C10orf90: variants seen among roughly 807,000 people sequenced by gnomAD.
C10orf90 encodes chromosome 10 open reading frame 90, also known as (E2-independent) E3 ubiquitin-conjugating enzyme FATS.
A neutral mutation model predicts 62.5 loss-of-function variants in C10orf90; 56 were observed. The observed-to-expected ratio is 0.90, with a 90% confidence interval of 0.72 to 1.12. The LOEUF (loss-of-function observed/expected upper bound fraction) is 1.12, where lower values mean the gene tolerates loss of function less well. C10orf90 is among the 50% of genes most tolerant of loss of function. The pLI, the probability that C10orf90 is intolerant of heterozygous loss-of-function variation, is 0.00. For missense variants in C10orf90, 970 were observed against 880.4 expected, an observed-to-expected ratio of 1.10 and a Z score of -1.29; for synonymous variants, 386 against 340.4, an observed-to-expected ratio of 1.13 and a Z score of -1.47.
chr10:126,465,405 CTTTTA>C (rs891535879), intron 4 of C10orf90, among the ~76,000 whole-genome samples: 13 of 150,990 alleles, frequency 8.6e-5, no homozygotes, highest in African/African-American at 2.9e-4. Flanking sequence ...CAAATTATAT[CTTTTA>C]TATAATTTAT....
chr10:126,474,403 C>G (rs1334379771), intron 4 of C10orf90, among the ~76,000 whole-genome samples: 1 of 152,142 alleles, frequency 6.6e-6, no homozygotes, highest in Non-Finnish European at 1.5e-5. Flanking sequence ...AGAAAGAGAA[C>G]AAGAATAAGA....
At position 126,504,309 on chromosome 10, in the gene C10orf90, A is replaced by C; in HGVS notation, c.1182T>G (p.Ser394Arg). Reference protein sequence around the residue: ...RSVLSLNLNCSSHRLTADGVD... With the variant: ...RSVLSLNLNCRSHRLTADGVD... The stretch of plus-strand genomic sequence containing the variant: ...CTCCATCTGCTGTTAATCTGTGGGA[A>C]CTACAATTGAGGTTGAGCGACAGGA... Residue 394 changes from serine (S) to arginine (R), a missense_variant, in exon 4 of 10, where the codon AGT becomes AGG. Transcript: ENST00000488181. This position sits in a 1 kb window ranked among gnomAD's most constrained non-coding sequence, Gnocchi z 4.1. The C allele has an allele frequency of 4.3e-6, 7 of 1,614,104 alleles. No homozygotes were observed. The highest frequency in any genetic ancestry group is 5.9e-6 in the Non-Finnish European group (7 of 1,180,022).
chr10:126,553,980 C>T (rs2133980164), intron 2 of C10orf90, among the ~76,000 whole-genome samples: 1 of 152,180 alleles, frequency 6.6e-6, no homozygotes, highest in East Asian at 1.9e-4. Flanking sequence ...AAACCCTATA[C>T]CTACCCTCTG....
At chr10:126,576,710 T>TATAC (rs1310628257) in intron 2 of C10orf90, among the ~76,000 whole-genome samples, 922 of 32,688 alleles carry the variant, frequency 0.028, 117 homozygotes, top group Non-Finnish European at 0.038. Flanking sequence ...TATATGTATA[T>TATAC]ATATACAAGA....
chr10:126,564,524 G>A lies in C10orf90; in HGVS notation c.314-50585C>T, dbSNP rs146195514. On this transcript the variant is annotated intron_variant, in intron 2 of 9. Transcript: ENST00000488181. Reference sequence around the variant, plus strand: ...GAGTCCCTGGAGTTTGTGTCCTGGCGCCCACCCAGTGTGAACCTTGCCTTC... The same window carrying A: ...GAGTCCCTGGAGTTTGTGTCCTGGCACCCACCCAGTGTGAACCTTGCCTTC... 7.9e-3 allele frequency among the ~76,000 whole-genome samples: 1,192 copies of A among 151,502 alleles called. 10 individuals carry two copies. Among genetic ancestry groups the A allele is most frequent in the African/African-American group, 0.027 (1,125 of 41,302 alleles).
intron 2 of C10orf90, among the ~76,000 whole-genome samples, chr10:126,608,827 C>T (rs9664211): frequency 0.17 from 25,791 of 152,030 alleles, 2,387 homozygotes; most frequent in South Asian, 0.33. Context: ...AATGGATTTA[C>T]TATTGTTATT....
rs145135483 is a variant in C10orf90 at position 126,606,157 on chromosome 10, T to C, written c.313+40408A>G. On this transcript the variant is annotated intron_variant, in intron 2 of 9. Coordinates refer to ENST00000488181, the MANE Select transcript of C10orf90 (RefSeq NM_001350921.2). ...GCATTCTCAAGGGCTCTGCCCACAGTCCATGAAGCAACTTCCAAGACAATA... is the reference window on the plus strand; with the variant it reads ...GCATTCTCAAGGGCTCTGCCCACAGCCCATGAAGCAACTTCCAAGACAATA... Among the ~76,000 whole-genome samples the C allele has an allele frequency of 1.8e-4, 28 of 152,272 alleles. No individual in the cohort carries two copies. In the East Asian group the frequency reaches 4.7e-3, roughly 25 times the overall value.
chr10:126,446,864 G>A (rs1202176074), intron 7 of C10orf90, among the ~76,000 whole-genome samples: 1 of 151,960 alleles, frequency 6.6e-6, no homozygotes, highest in East Asian at 1.9e-4. Context: ...TATGTAAACT[G>A]TAAAATCAAA....
Position 126,665,445 on chromosome 10 carries a change from T to C in C10orf90, c.240+4796A>G, listed in dbSNP as rs1044434683. 5.8e-4 allele frequency among the ~76,000 whole-genome samples: 88 copies of C among 152,186 alleles called. 7 individuals carry two copies. On this transcript the variant is annotated intron_variant, in intron 1 of 9. Coordinates refer to ENST00000488181, the MANE Select transcript of C10orf90 (RefSeq NM_001350921.2). ...TCTCTTGAAGCCCAAGTACTTAACT[T>C]GAGTGCTTTTATTTTACAAGACTGA...
At chr10:126,575,025 GAAAT>G (rs1844581587) in intron 2 of C10orf90, among the ~76,000 whole-genome samples, 1 of 151,660 alleles carries the variant, frequency 6.6e-6, no homozygotes, top group Non-Finnish European at 1.5e-5. Flanking sequence ...ACAAGAAAAA[GAAAT>G]AAAAAACAGA....
chr10:126,512,396 GTGTGTGTC>G (rs879590595), intron 3 of C10orf90, among the ~76,000 whole-genome samples: 233 of 18,618 alleles, frequency 0.013, no homozygotes, highest in Admixed American at 0.031. Context: ...CTGTGTGTGT[GTGTGTGTC>G]TGTGTGTCTG....
chr10:126,461,718 T>C, intron 5 of C10orf90, 133 bp from the exon 6 acceptor site: 1 of 920,098 alleles, frequency 1.1e-6, no homozygotes, highest in Non-Finnish European at 1.6e-6. Context: ...CTCGTTAAGC[T>C]GACAAGATCA....
At chr10:126,621,482 G>C (rs1344283500) in intron 2 of C10orf90, among the ~76,000 whole-genome samples, 1 of 152,188 alleles carries the variant, frequency 6.6e-6, no homozygotes, top group Non-Finnish European at 1.5e-5. Flanking sequence ...GCTGGTAAGT[G>C]ATTGGCATGC....
Position 126,630,876 on chromosome 10 carries a change from G to A in C10orf90, c.313+15689C>T, listed in dbSNP as rs571448484. ...CTGGGGCTCTATTTGCAACAACCTG[G>A]GAATCACCCTCCTTAACTGGGACAG... On this transcript the variant is annotated intron_variant, in intron 2 of 9. Transcript: ENST00000488181. Among the ~76,000 whole-genome samples the A allele has an allele frequency of 1.5e-3, 228 of 152,190 alleles. 1 individual carries two copies. Among genetic ancestry groups the A allele is most frequent in the Non-Finnish European group, 2.4e-3 (162 of 68,016 alleles).
At position 126,557,456 on chromosome 10, in the gene C10orf90, G is replaced by C. The variant is rs192082213; in HGVS notation, c.314-43517C>G. On this transcript the variant is annotated intron_variant, in intron 2 of 9. Coordinates refer to ENST00000488181, the MANE Select transcript of C10orf90 (RefSeq NM_001350921.2). ...GATCATGCCACTGCACTCCAGCCTG[G>C]GCGACAGAGCGAGACTCCATCTCAA... 2.4e-3 allele frequency among the ~76,000 whole-genome samples: 361 copies of C among 147,508 alleles called. 1 individual carries two copies. Among genetic ancestry groups the C allele is most frequent in the Non-Finnish European group, 3.8e-3 (257 of 67,224 alleles).
At chr10:126,501,952 C>T (rs1238519212) in intron 4 of C10orf90, among the ~76,000 whole-genome samples, 1 of 151,580 alleles carries the variant, frequency 6.6e-6, no homozygotes, top group Non-Finnish European at 1.5e-5. Flanking sequence ...AACACACACA[C>T]ACACACCACA....
chr10:126,616,222 T>G (rs1845538130), intron 2 of C10orf90, among the ~76,000 whole-genome samples: 1 of 152,236 alleles, frequency 6.6e-6, no homozygotes, highest in Non-Finnish European at 1.5e-5. Context: ...CACATCCATC[T>G]GCCTCGTATT....
At chr10:126,587,241 G>T (rs1183363028) in intron 2 of C10orf90, among the ~76,000 whole-genome samples, 2 of 152,234 alleles carry the variant, frequency 1.3e-5, no homozygotes, top group African/African-American at 4.8e-5. Flanking sequence ...GGCATTTAAA[G>T]ATCTTTGACT....
intron 7 of C10orf90, among the ~76,000 whole-genome samples, chr10:126,437,363 C>T (rs1414169833): frequency 6.6e-6 from 1 of 152,142 alleles, no homozygotes; most frequent in African/African-American, 2.4e-5. Flanking sequence ...GTTACAAATG[C>T]AAATACTCAG....
Sources: gnomAD v4.1 joint callset for allele counts (sites outside exome capture counted in the v4.1 genomes callset) on GRCh38, gnomAD v4.1.1 for gene constraint, Gnocchi (gnomAD v3.1) non-coding constraint, MANE v1.5 for transcripts, NCBI Gene and HGNC (gene_info 2026-07-23, HGNC 2026-07-21) for gene names.